The following NIPSNAP2 variants were observed in gnomAD, a reference collection of about 807,000 sequenced individuals.
NIPSNAP2 encodes the protein protein NipSnap homolog 2.
NIPSNAP2 carries 42 observed loss-of-function variants against 48.4 expected under a neutral mutation model. The ratio of observed to expected loss-of-function variants is 0.87; its 90% CI spans 0.68 to 1.12. The LOEUF is 1.12. NIPSNAP2 is among the 50% of genes most tolerant of loss of function. The pLI is 0.00. For missense variants in NIPSNAP2, 314 were observed against 347.3 expected, an observed-to-expected ratio of 0.90 and a Z score of 0.76; for synonymous variants, 158 against 126.6, an observed-to-expected ratio of 1.25 and a Z score of -1.67.
intron 1 of NIPSNAP2, among the ~76,000 whole-genome samples, chr7:55,969,749 C>T (rs1055087311): frequency 7.2e-5 from 11 of 151,936 alleles, no homozygotes; most frequent in Non-Finnish European, 1.2e-4. Flanking sequence ...TTTGGGAGGC[C>T]AAGGTGGGCG....
chr7:55,995,436 A>T (rs950162922), intron 8 of NIPSNAP2, among the ~76,000 whole-genome samples: 1 of 151,932 alleles, frequency 6.6e-6, no homozygotes, highest in Non-Finnish European at 1.5e-5. Flanking sequence ...CACCATTTCC[A>T]TCCCCACACA....
rs963508649 is a variant in NIPSNAP2, at chr7:55,969,907, C to G, written c.92+5206C>G. On this transcript the variant is annotated intron_variant, in intron 1 of 9. Coordinates refer to ENST00000322090, the MANE Select transcript of NIPSNAP2 (RefSeq NM_001483.3). ...CTGAGGCAGGAGAATGGCGTGAACC[C>G]GGGAGGCGGAACTTGCAGTGAGCCG... 2.7e-5 allele frequency among the ~76,000 whole-genome samples: 4 copies of G among 147,958 alleles called. No individual in the cohort carries two copies. The South Asian group carries it at 8.5e-4, about 32-fold the overall frequency.
intron 3 of NIPSNAP2, 158 bp from the exon 4 acceptor site, chr7:55,981,315 C>A: frequency 1.8e-6 from 1 of 564,306 alleles, no homozygotes; most frequent in Non-Finnish European, 3.2e-6. Context: ...CATAATTCAG[C>A]TAAAAGGTTA....
chr7:55,971,319 A>C (rs1337815211), intron 1 of NIPSNAP2, among the ~76,000 whole-genome samples: 1 of 152,170 alleles, frequency 6.6e-6, no homozygotes, highest in Non-Finnish European at 1.5e-5. Context: ...ATTGCTGCCC[A>C]AGTTCACAAG....
At position 55,978,107 on chromosome 7, in the gene NIPSNAP2, C is replaced by T; in HGVS notation, c.93-19C>T. ...ATGAAAACAGTATACTGCGTGACAA[C>T]ACCTTTGTTATTCCATAGGACATGG... is the stretch of plus-strand genomic sequence containing the variant. On this transcript the variant is annotated intron_variant, in intron 1 of 9. Coordinates refer to ENST00000322090, the MANE Select transcript of NIPSNAP2 (RefSeq NM_001483.3). 1 of 1,613,722 alleles carries T rather than the reference C, an allele frequency of 6.2e-7. No homozygotes were observed. Among genetic ancestry groups the T allele is most frequent in the Non-Finnish European group, 8.5e-7 (1 of 1,179,822 alleles).
chr7:55,967,257 G>T (rs1786914570), intron 1 of NIPSNAP2, among the ~76,000 whole-genome samples: 1 of 152,192 alleles, frequency 6.6e-6, no homozygotes, highest in Admixed American at 6.5e-5. Context: ...TTTTCCATGT[G>T]GTGGCCCAGG....
At chr7:55,992,662 G>A (rs1314141743) in intron 7 of NIPSNAP2, among the ~76,000 whole-genome samples, 1 of 152,208 alleles carries the variant, frequency 6.6e-6, no homozygotes, top group Non-Finnish European at 1.5e-5. Flanking sequence ...GTCATTGTTA[G>A]TAGGTTGCTA....
chr7:55,986,153 G>A (rs144004187), intron 7 of NIPSNAP2, among the ~76,000 whole-genome samples: 43 of 151,904 alleles, frequency 2.8e-4, no homozygotes, highest in African/African-American at 9.9e-4. Context: ...CAGCCCAGAC[G>A]TTTGAGACTT....
At chr7:55,993,927 GAA>G (rs56908796) in intron 7 of NIPSNAP2, among the ~76,000 whole-genome samples, 9 of 139,066 alleles carry the variant, frequency 6.5e-5, no homozygotes, top group Non-Finnish European at 7.8e-5. Context: ...TAGTAGGAAA[GAA>G]AAAAAAAAAA....
At chr7:55,970,187 G>A (rs1786991566) in intron 1 of NIPSNAP2, among the ~76,000 whole-genome samples, 2 of 151,886 alleles carry the variant, frequency 1.3e-5, no homozygotes, top group African/African-American at 4.8e-5. Context: ...AGTATTTATT[G>A]AGTGCCTTCT....
chr7:55,996,299 AAAG>A (rs1787562715), intron 8 of NIPSNAP2, among the ~76,000 whole-genome samples: 1 of 151,584 alleles, frequency 6.6e-6, no homozygotes, highest in Non-Finnish European at 1.5e-5. Flanking sequence ...AAAAAAAAAA[AAAG>A]AAAAGAAACC....
intron 9 of NIPSNAP2, among the ~76,000 whole-genome samples, chr7:55,998,180 G>A (rs1021217540): frequency 6.6e-6 from 1 of 151,698 alleles, no homozygotes; most frequent in East Asian, 2.0e-4. Context: ...CAGGAGAATC[G>A]CTTGAACCTG....
Position 55,991,748 on chromosome 7 carries a change from CAA to C in NIPSNAP2, c.618-3129_618-3128del, listed in dbSNP as rs869175007. On this transcript the variant is annotated intron_variant, in intron 7 of 9. Coordinates refer to ENST00000322090, the MANE Select transcript of NIPSNAP2 (RefSeq NM_001483.3). ...GGGCAACAAGAGTGAAACTCTGTCT[CAA>C]AAAAAAAAAAAAAAAATATATATAT... The C allele has an allele frequency of 2.3e-3, 351 of 150,486 alleles. 2 individuals carry two copies. Among genetic ancestry groups the C allele is most frequent in the Middle Eastern group, 0.01 (3 of 294 alleles). The allele number at this position is 150,486 out of a possible 1,614,324, so 9.3% of individuals were successfully genotyped here.
In NIPSNAP2 at chr7:55,997,555, T is replaced by C. The variant is rs939808374; in HGVS notation, c.796+106T>C. 40 of 829,168 alleles carry C rather than the reference T, an allele frequency of 4.8e-5. No individual in the cohort carries two copies. In the South Asian group the frequency reaches 6.0e-4, roughly 13 times the overall value. 51.4% of individuals were successfully genotyped at this position (829,168 alleles called of 1,614,324 possible). A position where few individuals can be genotyped will look rare whatever the true frequency, so the allele number is the denominator to read the frequency against. ...GTTTTGTAATAGTATGTTGCTAGGATAGTGAGTTATCAGGTTGTGGGGGGA... is the reference window on the plus strand; with the variant it reads ...GTTTTGTAATAGTATGTTGCTAGGACAGTGAGTTATCAGGTTGTGGGGGGA... On this transcript the variant is annotated intron_variant, in intron 9 of 9. Transcript: ENST00000322090.
rs1164855630 is a variant in NIPSNAP2 at position 55,998,493 on chromosome 7, G to GTTTTTTTTTTTTTT, written c.797-502_797-489dup. On this transcript the variant is annotated intron_variant, in intron 9 of 9. Coordinates refer to ENST00000322090, the MANE Select transcript of NIPSNAP2 (RefSeq NM_001483.3). ...TAAAACAAATATCCAGGTAGGATCT[G>GTTTTTTTTTTTTTT]TTTTTTTTTTTTTTTTTTTTTTTTT... Among the ~76,000 whole-genome samples, 24 of 63,198 alleles carry GTTTTTTTTTTTTTT rather than the reference G, an allele frequency of 3.8e-4. 4 individuals carry two copies. The highest frequency in any genetic ancestry group is 1.4e-3 in the African/African-American group (24 of 17,550). The allele number at this position is 63,198 out of a possible 152,430, so 41.5% of individuals were successfully genotyped here. A position where few individuals can be genotyped will look rare whatever the true frequency, so the allele number is the denominator to read the frequency against.
At chr7:55,982,795 A>G (rs535788068) in intron 5 of NIPSNAP2, among the ~76,000 whole-genome samples, 3 of 151,412 alleles carry the variant, frequency 2.0e-5, no homozygotes, top group Admixed American at 2.0e-4. Flanking sequence ...ATAAAAGTCA[A>G]TTATGCTTTG....
In NIPSNAP2 at chr7:55,983,790, G is replaced by A; in HGVS notation, c.507G>A (p.Leu169=). The A allele has an allele frequency of 1.2e-6, 2 of 1,614,020 alleles. No individual in the cohort carries two copies. Among genetic ancestry groups the A allele is most frequent in the Non-Finnish European group, 8.5e-7 (1 of 1,179,956 alleles). ...DMLLSRKNQL[L]LEFSFWNEPV... is the part of the protein sequence containing the mutation. ...TTCTCTCCAGGAAGAATCAGCTCCTGTTGGAGTTCAGTTTCTGGAATGAGC... is the reference window on the plus strand; with the variant it reads ...TTCTCTCCAGGAAGAATCAGCTCCTATTGGAGTTCAGTTTCTGGAATGAGC... Residue 169 remains leucine, a synonymous_variant, in exon 6 of 10, where the codon CTG becomes CTA. Transcript: ENST00000322090.
chr7:55,993,404 C>CCTG, intron 7 of NIPSNAP2, among the ~76,000 whole-genome samples: 1 of 151,828 alleles, frequency 6.6e-6, no homozygotes, highest in East Asian at 1.9e-4. Context: ...ATGGCGAAAC[C>CCTG]TCATGCCTAC....
chr7:55,965,920 G>T (rs1039802239), intron 1 of NIPSNAP2, among the ~76,000 whole-genome samples: 2 of 152,200 alleles, frequency 1.3e-5, no homozygotes, highest in African/African-American at 4.8e-5. Flanking sequence ...GGGAGAGGGG[G>T]CAGAATTAAG....
Sources: allele counts gnomAD v4.1 joint callset (sites outside exome capture counted in the v4.1 genomes callset), GRCh38; gene constraint gnomAD v4.1.1; transcripts MANE v1.5; gene names NCBI Gene and HGNC (gene_info 2026-07-23, HGNC 2026-07-21).